TMEM132B: variants seen among roughly 807,000 people sequenced by gnomAD.
TMEM132B encodes transmembrane protein 132B.
A neutral mutation model predicts 90.8 loss-of-function variants in TMEM132B; 18 were observed. The observed-to-expected ratio is 0.20, with a 90% CI of 0.14 to 0.29. TMEM132B has a LOEUF of 0.29. Ranked by LOEUF, TMEM132B falls within the 10% of genes least tolerant of loss-of-function variation. The pLI is 1.00. For missense variants in TMEM132B, 1,096 were observed against 1,326.8 expected, an observed-to-expected ratio of 0.83 and a Z score of 2.70; for synonymous variants, 504 against 523.3, an observed-to-expected ratio of 0.96 and a Z score of 0.50.
rs1199723104 is a variant in TMEM132B at position 125,445,557 on chromosome 12, C to G, written c.1106+29880C>G. ...ATCTGGAGTGCTGCTCTTTTTTCTT[C>G]TTTTTCCTGCTGACATCTGGCTGCA... On this transcript the variant is annotated intron_variant, in intron 3 of 8. Transcript: ENST00000682704. The surrounding 1 kb of genome is among the most constrained non-coding windows in gnomAD (Gnocchi z 4.3). Among the ~76,000 whole-genome samples the G allele has an allele frequency of 6.6e-6, 1 of 152,152 alleles. No individual in the cohort carries two copies. Among genetic ancestry groups the G allele is most frequent in the African/African-American group, 2.4e-5 (1 of 41,436 alleles).
intron 1 of TMEM132B, among the ~76,000 whole-genome samples, chr12:125,231,943 G>A (rs1223641341): frequency 6.6e-6 from 1 of 151,264 alleles, no homozygotes; most frequent in African/African-American, 2.4e-5. Flanking sequence ...CATAATTCTA[G>A]AAAAATATAT....
At chr12:125,300,522 G>A (rs559018840) in intron 1 of TMEM132B, among the ~76,000 whole-genome samples, 5 of 152,128 alleles carry the variant, frequency 3.3e-5, no homozygotes, top group East Asian at 1.9e-4. Flanking sequence ...GCAACCCTGC[G>A]CCCAGCCCTA....
intron 2 of TMEM132B, among the ~76,000 whole-genome samples, chr12:125,384,092 G>T (rs560714191): frequency 1.3e-5 from 2 of 152,016 alleles, no homozygotes; most frequent in East Asian, 3.9e-4. Flanking sequence ...GATTACAGGC[G>T]TGTGCCACCA....
chr12:125,488,409 A>T (rs958545840), intron 3 of TMEM132B, among the ~76,000 whole-genome samples: 1 of 152,202 alleles, frequency 6.6e-6, no homozygotes, highest in African/African-American at 2.4e-5. Flanking sequence ...CTCATCTTGA[A>T]TTATAACCCT....
At chr12:125,500,505 A>G (rs970289413) in intron 3 of TMEM132B, among the ~76,000 whole-genome samples, 2 of 152,222 alleles carry the variant, frequency 1.3e-5, no homozygotes, top group Non-Finnish European at 2.9e-5. Flanking sequence ...AGGTGTTTCA[A>G]GGAAGCTAGA....
intron 1 of TMEM132B, among the ~76,000 whole-genome samples, chr12:125,191,078 T>C (rs1240209528): frequency 9.7e-5 from 3 of 31,064 alleles, no homozygotes; most frequent in Non-Finnish European, 1.7e-4. Flanking sequence ...GTGATGGTGA[T>C]GGGGAAGGGG....
At position 125,521,470 on chromosome 12, in the gene TMEM132B, C is replaced by T. The variant is rs573298800; in HGVS notation, c.1293+1845C>T. On this transcript the variant is annotated intron_variant, in intron 4 of 8. Coordinates refer to ENST00000682704, the MANE Select transcript of TMEM132B (RefSeq NM_001366854.1). ...ACTATTTTCAGAGTCTGATGTGAAG[C>T]AGAAATCCCTCTGTAGTTAGAACAG... Among the ~76,000 whole-genome samples, 55 of 152,292 alleles carry T rather than the reference C, an allele frequency of 3.6e-4. No individual in the cohort carries two copies. The South Asian group carries it at 6.2e-3, about 17-fold the overall frequency.
In TMEM132B at chr12:125,589,351, G is replaced by A. The variant is rs374821790; in HGVS notation, c.1437+5357G>A. Among the ~76,000 whole-genome samples the A allele has an allele frequency of 9.0e-3, 1,365 of 151,682 alleles. 24 individuals carry two copies. The highest frequency in any genetic ancestry group is 0.031 in the African/African-American group (1,305 of 41,476). Reference sequence around the variant, plus strand: ...CAAAAAATTAGCCGGGCGTAGTGGCGGGGGCCTGTAGTCCCAGCTACTCGG... The same window carrying A: ...CAAAAAATTAGCCGGGCGTAGTGGCAGGGGCCTGTAGTCCCAGCTACTCGG... On this transcript the variant is annotated intron_variant, in intron 5 of 8. Transcript: ENST00000682704.
At chr12:125,582,808 G>A (rs904098744) in intron 4 of TMEM132B, among the ~76,000 whole-genome samples, 1 of 151,934 alleles carries the variant, frequency 6.6e-6, no homozygotes, top group Non-Finnish European at 1.5e-5. Flanking sequence ...TACAGGAGCT[G>A]TTTTTATTAT....
chr12:125,243,084 CACATACATAT>C (rs1874121527), intron 1 of TMEM132B, among the ~76,000 whole-genome samples: 1 of 140,180 alleles, frequency 7.1e-6, no homozygotes, highest in South Asian at 2.2e-4. Context: ...TACATATATA[CACATACATAT>C]ACATATATAT....
rs747184399 is a variant in TMEM132B, at chr12:125,654,113, C to A, written c.2655C>A (p.Asp885Glu). The A allele has an allele frequency of 2.5e-6, 4 of 1,614,058 alleles. No individual in the cohort carries two copies. The African/African-American group carries it at 4.0e-5, about 16-fold the overall frequency. The change falls in exon 9 of 9, where the codon GAC (aspartate) becomes GAA (glutamate). Residue 885 changes from aspartate (D) to glutamate (E), a missense_variant. Physicochemically the swap from Asp to Glu is conservative, Grantham distance 45. Coordinates refer to ENST00000682704, the MANE Select transcript of TMEM132B (RefSeq NM_001366854.1). The surrounding 1 kb of genome is among the most constrained non-coding windows in gnomAD (Gnocchi z 5.8). The part of the protein sequence containing the change: ...TSFPTQGKSP[D>E]PNNPSDLTVT... Reference sequence around the variant, plus strand: ...TCCCCACTCAAGGGAAGTCACCGGACCCCAATAATCCTAGTGACCTCACAG... The same window carrying A: ...TCCCCACTCAAGGGAAGTCACCGGAACCCAATAATCCTAGTGACCTCACAG...
In TMEM132B at chr12:125,647,196, C is replaced by T. The variant is rs531490458; in HGVS notation, c.1643+2915C>T. The stretch of plus-strand genomic sequence containing the variant: ...AAATAGTCTTGGGGGAAAAAGGGAA[C>T]GGAGCATCAGGGACTTGTGGGACCA... On this transcript the variant is annotated intron_variant, in intron 6 of 8. Transcript: ENST00000682704. Among the ~76,000 whole-genome samples, 110 of 152,038 alleles carry T rather than the reference C, an allele frequency of 7.2e-4. 1 individual carries two copies. Among genetic ancestry groups the T allele is most frequent in the Non-Finnish European group, 1.4e-3 (94 of 68,008 alleles).
At chr12:125,386,971 A>T (rs964461925) in intron 2 of TMEM132B, among the ~76,000 whole-genome samples, 1 of 152,146 alleles carries the variant, frequency 6.6e-6, no homozygotes. Flanking sequence ...ACTCATAGTT[A>T]GTCTCTAAAG....
At chr12:125,608,650 CAA>C (rs1276059808) in intron 5 of TMEM132B, among the ~76,000 whole-genome samples, 1 of 152,100 alleles carries the variant, frequency 6.6e-6, no homozygotes, top group Non-Finnish European at 1.5e-5. Context: ...ATTGGTTAAT[CAA>C]AAGTCATAAA....
At chr12:125,228,629 G>A (rs950722186) in intron 1 of TMEM132B, among the ~76,000 whole-genome samples, 21 of 152,196 alleles carry the variant, frequency 1.4e-4, no homozygotes, top group Middle Eastern at 3.2e-3. Context: ...TCAATTCTGT[G>A]GTTGGAACGT....
At chr12:125,546,951 T>G (rs966423290) in intron 4 of TMEM132B, among the ~76,000 whole-genome samples, 2 of 152,174 alleles carry the variant, frequency 1.3e-5, no homozygotes, top group African/African-American at 2.4e-5. Context: ...GGAAGGCACC[T>G]CTTCACAGGG....
chr12:125,657,501 T>G lies in TMEM132B; in HGVS notation c.*2791T>G, dbSNP rs914141723. The G allele has an allele frequency of 5.9e-5, 9 of 152,206 alleles. No homozygotes were observed. Among genetic ancestry groups the G allele is most frequent in the South Asian group, 4.1e-4 (2 of 4,822 alleles). 9.4% of individuals were successfully genotyped at this position (152,206 alleles called of 1,614,324 possible). A position where few individuals can be genotyped will look rare whatever the true frequency, so the allele number is the denominator to read the frequency against. ...AGTATTTCCTCCTCTAAATATTTCC[T>G]GAAGATCATAAACCATGGGTTATAG... On this transcript the variant is annotated 3_prime_UTR_variant, in exon 9 of 9. Transcript: ENST00000682704.
At chr12:125,491,100 C>T (rs761764726) in intron 3 of TMEM132B, among the ~76,000 whole-genome samples, 7 of 152,110 alleles carry the variant, frequency 4.6e-5, no homozygotes, top group Non-Finnish European at 1.0e-4. Flanking sequence ...TCATGAAAGA[C>T]CTGAACGAGA....
chr12:125,511,565 C>T (rs1400411369), intron 3 of TMEM132B, among the ~76,000 whole-genome samples: 1 of 151,994 alleles, frequency 6.6e-6, no homozygotes, highest in Non-Finnish European at 1.5e-5. Flanking sequence ...GAAAAAGCAT[C>T]CCAGGCCGGG....
Sources: gnomAD v4.1 joint callset for allele counts (sites outside exome capture counted in the v4.1 genomes callset) on GRCh38, gnomAD v4.1.1 for gene constraint, Gnocchi (gnomAD v3.1) non-coding constraint, MANE v1.5 for transcripts, NCBI Gene and HGNC (gene_info 2026-07-23, HGNC 2026-07-21) for gene names.